The following CTDSPL variants were observed in gnomAD, a reference collection of about 807,000 sequenced individuals.
CTDSPL encodes the protein CTD small phosphatase-like protein.
A neutral mutation model predicts 30.5 loss-of-function variants in CTDSPL; 8 were observed. That is an observed-to-expected ratio of 0.26 (90% CI 0.15 to 0.47). CTDSPL has a LOEUF of 0.47. CTDSPL is among the 20% of genes least tolerant of loss of function. CTDSPL has a pLI of 0.99. For synonymous variants in CTDSPL, 110 were observed against 137.9 expected, an observed-to-expected ratio of 0.80 and a Z score of 1.42; for missense variants, 248 against 366.1, an observed-to-expected ratio of 0.68 and a Z score of 2.63.
chr3:37,929,504 A>G (rs1431326041), intron 1 of CTDSPL, among the ~76,000 whole-genome samples: 2 of 152,158 alleles, frequency 1.3e-5, no homozygotes, highest in Non-Finnish European at 2.9e-5. Flanking sequence ...TCACCCCCTT[A>G]GTTAAGTTTA....
Position 37,981,772 on chromosome 3 carries a change from T to C in CTDSPL, c.*905T>C, listed in dbSNP as rs1179183504. On this transcript the variant is annotated 3_prime_UTR_variant, in exon 8 of 8. Coordinates refer to ENST00000273179, the MANE Select transcript of CTDSPL (RefSeq NM_001008392.2). ...GCAGTTACAAGAAACCCTAAAACCC[T>C]TGGATATAAAAGAAATCTGTTTATT... The C allele has an allele frequency of 8.8e-6, 4 of 455,608 alleles. No individual in the cohort carries two copies. The highest frequency in any genetic ancestry group is 1.8e-5 in the Non-Finnish European group (4 of 226,664). The allele number at this position is 455,608 out of a possible 1,614,324, so 28.2% of individuals were successfully genotyped here.
chr3:37,953,561 G>C (rs1699134344), intron 2 of CTDSPL, among the ~76,000 whole-genome samples: 1 of 152,120 alleles, frequency 6.6e-6, no homozygotes, highest in Admixed American at 6.5e-5. Flanking sequence ...ATAAAGGAAG[G>C]TAGAAAATAA....
chr3:37,888,531 G>C (rs1262393528), intron 1 of CTDSPL, among the ~76,000 whole-genome samples: 1 of 152,090 alleles, frequency 6.6e-6, no homozygotes, highest in Non-Finnish European at 1.5e-5. Flanking sequence ...TCTGTTTTTG[G>C]GTAGGAGATG....
chr3:37,974,092 A>G (rs1699398395), intron 6 of CTDSPL, among the ~76,000 whole-genome samples: 3 of 152,222 alleles, frequency 2.0e-5, no homozygotes, highest in Admixed American at 2.0e-4. Context: ...AGTGTATTTT[A>G]TGTGTGGCCC....
At chr3:37,955,749 T>G (rs1170856771) in intron 2 of CTDSPL, among the ~76,000 whole-genome samples, 2 of 152,122 alleles carry the variant, frequency 1.3e-5, no homozygotes, top group African/African-American at 4.8e-5. Flanking sequence ...ACAGTGCGTA[T>G]TACCTGGGTG....
At chr3:37,927,684 GTATATA>G (rs71094933) in intron 1 of CTDSPL, among the ~76,000 whole-genome samples, 1 of 117,756 alleles carries the variant, frequency 8.5e-6, no homozygotes, top group African/African-American at 3.5e-5. Flanking sequence ...GTGTGTATGT[GTATATA>G]TATATATATA....
rs116808676 is a variant in CTDSPL at position 37,901,089 on chromosome 3, G to A, written c.79+38811G>A. 3.4e-3 allele frequency among the ~76,000 whole-genome samples: 521 copies of A among 152,274 alleles called. 3 individuals are homozygous for A. The highest frequency in any genetic ancestry group is 5.0e-3 in the Non-Finnish European group (340 of 68,022). ...TGGGATTACAGGTGTGAGCCACCAC[G>A]TACAGCCTGAGAACATCATATTTAA... On this transcript the variant is annotated intron_variant, in intron 1 of 7. Transcript: ENST00000273179.
At chr3:37,887,975 GT>G (rs1476453296) in intron 1 of CTDSPL, among the ~76,000 whole-genome samples, 1 of 152,204 alleles carries the variant, frequency 6.6e-6, no homozygotes, top group Non-Finnish European at 1.5e-5. Context: ...TAAGGTGGCA[GT>G]TACATAACAG....
rs116839224 is a variant in CTDSPL at position 37,911,887 on chromosome 3, C to T, written c.80-35170C>T. 2.1e-3 allele frequency: 677 copies of T among 315,360 alleles called. 7 individuals are homozygous for T. The highest frequency in any genetic ancestry group is 0.012 in the Middle Eastern group (24 of 1,966). 19.5% of individuals were successfully genotyped at this position (315,360 alleles called of 1,614,324 possible). Reference sequence around the variant, plus strand: ...CAACCTGGGCAACATGGTGAAAGCTCGTCTCTACTAAAATACAAAAATGTA... The same window carrying T: ...CAACCTGGGCAACATGGTGAAAGCTTGTCTCTACTAAAATACAAAAATGTA... On this transcript the variant is annotated intron_variant, in intron 1 of 7. Coordinates refer to ENST00000273179, the MANE Select transcript of CTDSPL (RefSeq NM_001008392.2).
At chr3:37,957,247 A>G in intron 3 of CTDSPL, 104 bp downstream of exon 3, 1 of 742,154 alleles carries the variant, frequency 1.3e-6, no homozygotes, top group East Asian at 2.7e-5. Flanking sequence ...GCTTATGGTG[A>G]GTTTATCATG....
At chr3:37,960,531 T>C (rs71323648) in intron 3 of CTDSPL, among the ~76,000 whole-genome samples, 999 of 46,972 alleles carry the variant, frequency 0.021, 15 homozygotes, top group African/African-American at 0.044. Flanking sequence ...TATATATATA[T>C]ATATACACAC....
At chr3:37,908,521 A>T (rs1186326481) in intron 1 of CTDSPL, among the ~76,000 whole-genome samples, 1 of 152,192 alleles carries the variant, frequency 6.6e-6, no homozygotes, top group African/African-American at 2.4e-5. Flanking sequence ...AACATTTATT[A>T]GCCATTCCCT....
At chr3:37,941,742 A>C (rs1698980967) in intron 1 of CTDSPL, among the ~76,000 whole-genome samples, 1 of 150,212 alleles carries the variant, frequency 6.7e-6, no homozygotes, top group African/African-American at 2.4e-5. Context: ...GGTCCTTCAA[A>C]GCAGGCCTGC....
At chr3:37,963,966 A>G (rs1357594768) in intron 3 of CTDSPL, among the ~76,000 whole-genome samples, 1 of 142,238 alleles carries the variant, frequency 7.0e-6, no homozygotes, top group Non-Finnish European at 1.5e-5. Flanking sequence ...GTTGGGGGTA[A>G]CTCTGGACTG....
intron 3 of CTDSPL, among the ~76,000 whole-genome samples, chr3:37,961,053 T>G (rs1462402938): frequency 6.6e-6 from 1 of 152,234 alleles, no homozygotes; most frequent in East Asian, 1.9e-4. Flanking sequence ...TTTAATAGTT[T>G]TTAATAGTTT....
At chr3:37,951,415 C>T (rs6778347) in intron 2 of CTDSPL, among the ~76,000 whole-genome samples, 4,254 of 151,908 alleles carry the variant, frequency 0.028, 189 homozygotes, top group African/African-American at 0.097. Context: ...GTGACTCATT[C>T]CTGTAATCCC....
intron 4 of CTDSPL, among the ~76,000 whole-genome samples, chr3:37,964,953 C>A (rs1321529297): frequency 6.6e-6 from 1 of 152,166 alleles, no homozygotes; most frequent in Non-Finnish European, 1.5e-5. Flanking sequence ...TGCAGAAATA[C>A]TTTTCAGGTG....
rs751788540 is a variant in CTDSPL, at chr3:37,980,813, C to A, written c.777C>A (p.Gly259=). ...ELLDLIPFFE[G]LSREDDVYSM... is the part of the protein sequence containing the mutation. ...TGGACCTCATCCCCTTCTTTGAGGG[C>A]CTGAGCCGGGAGGACGACGTGTACA... Residue 259 remains glycine (G), a synonymous_variant, in exon 8 of 8, where the codon GGC becomes GGA. Coordinates refer to ENST00000273179, the MANE Select transcript of CTDSPL (RefSeq NM_001008392.2). 3.9e-5 allele frequency: 63 copies of A among 1,614,048 alleles called. No homozygotes were observed. The highest frequency in any genetic ancestry group is 5.0e-5 in the Non-Finnish European group (59 of 1,180,022).
At chr3:37,881,410 T>C (rs1396692551) in intron 1 of CTDSPL, among the ~76,000 whole-genome samples, 3 of 152,098 alleles carry the variant, frequency 2.0e-5, no homozygotes, top group Non-Finnish European at 4.4e-5. Flanking sequence ...CTGCCTGTAA[T>C]CCCAGCTACT....
Sources: allele counts gnomAD v4.1 joint callset (sites outside exome capture counted in the v4.1 genomes callset), GRCh38; gene constraint gnomAD v4.1.1; transcripts MANE v1.5; gene names NCBI Gene and HGNC (gene_info 2026-07-23, HGNC 2026-07-21).